IL4R: variants seen among roughly 807,000 people sequenced by gnomAD.
IL4R encodes the protein interleukin 4 receptor, also known as interleukin-4 receptor subunit alpha.
IL4R carries 17 observed loss-of-function variants against 41.5 expected under a neutral mutation model. That is an observed-to-expected ratio of 0.41 (90% CI 0.28 to 0.61). The LOEUF is 0.61. IL4R is among the 20% of genes least tolerant of loss of function. The pLI, the probability that IL4R is intolerant of heterozygous loss-of-function variation, is 0.31. For missense variants in IL4R, 974 were observed against 1,043.1 expected (o/e 0.93, Z 0.91); for synonymous variants, 402 against 422.9 (o/e 0.95, Z 0.61).
chr16:27,359,860 C>T (rs2086219531), intron 9 of IL4R: 1 of 451,458 alleles, frequency 2.2e-6, no homozygotes, highest in Admixed American at 2.4e-5. Flanking sequence ...TAGAGGGTTA[C>T]AACAACTTTA....
chr16:27,346,634 T>C lies in IL4R; in HGVS notation c.513+16T>C, dbSNP rs372045852. ...CCCGGCAGATGTGAGTGGGCATGCTTTGACGTTTTTCTGTGACCTCTGGGG... is the reference window on the plus strand; with the variant it reads ...CCCGGCAGATGTGAGTGGGCATGCTCTGACGTTTTTCTGTGACCTCTGGGG... On this transcript the variant is annotated intron_variant, in intron 6 of 10. Coordinates refer to ENST00000395762, the MANE Select transcript of IL4R (RefSeq NM_000418.4). 4.3e-5 allele frequency: 70 copies of C among 1,613,540 alleles called. No individual in the cohort carries two copies. The highest frequency in any genetic ancestry group is 5.8e-5 in the Non-Finnish European group (68 of 1,179,912).
At chr16:27,336,895 A>G (rs1414146942) in intron 2 of IL4R, among the ~76,000 whole-genome samples, 1 of 151,936 alleles carries the variant, frequency 6.6e-6, no homozygotes, top group East Asian at 1.9e-4. Flanking sequence ...CCTGACCAGC[A>G]TGGAGAAACC....
intron 6 of IL4R, among the ~76,000 whole-genome samples, chr16:27,348,020 G>A (rs2085716061): frequency 6.6e-6 from 1 of 152,218 alleles, no homozygotes; most frequent in Non-Finnish European, 1.5e-5. Flanking sequence ...AGGTTTGTGA[G>A]GGCCGGCTCT....
chr16:27,362,349 T>G lies in IL4R; in HGVS notation c.997T>G (p.Phe333Val). 1 of 1,614,174 alleles carries G rather than the reference T, an allele frequency of 6.2e-7. No homozygotes were observed. The highest frequency in any genetic ancestry group is 8.5e-7 in the Non-Finnish European group (1 of 1,180,026). ...DPHKAAKEMPFQGSGKSAWCP... is the reference protein window; with the variant it reads ...DPHKAAKEMPVQGSGKSAWCP... Reference sequence around the variant, plus strand: ...TCACAAGGCTGCCAAAGAGATGCCTTTCCAGGGCTCTGGAAAATCAGCATG... The same window carrying G: ...TCACAAGGCTGCCAAAGAGATGCCTGTCCAGGGCTCTGGAAAATCAGCATG... Residue 333 changes from phenylalanine (F) to valine (V), a missense_variant, in exon 11 of 11, where the codon TTC becomes GTC. By Grantham distance (50) the Phe-to-Val change is conservative. Transcript: ENST00000395762.
intron 1 of IL4R, among the ~76,000 whole-genome samples, chr16:27,316,543 G>A (rs567901261): frequency 5.3e-5 from 8 of 152,192 alleles, no homozygotes; most frequent in Non-Finnish European, 1.0e-4. Context: ...GACAGAAGCC[G>A]CCTAAGTACT....
chr16:27,315,847 A>G (rs2084631301), intron 1 of IL4R, among the ~76,000 whole-genome samples: 1 of 152,104 alleles, frequency 6.6e-6, no homozygotes, highest in South Asian at 2.1e-4. Context: ...CTGGAGGGAG[A>G]CGCTGGGGAG....
rs752154193 is a variant in IL4R at position 27,342,258 on chromosome 16, G to A, written c.208G>A (p.Glu70Lys). 21 of 1,614,058 alleles carry A rather than the reference G, an allele frequency of 1.3e-5. No homozygotes were observed. Among genetic ancestry groups the A allele is most frequent in the African/African-American group, 8.0e-5 (6 of 74,942 alleles). ...LLYQLVFLLS[E>K]AHTCIPENNG... ...GTACCAGCTGGTTTTTCTGCTCTCCGAGTAAGCCTGCGCTGGAGCTGGAGG... is the reference window on the plus strand; with the variant it reads ...GTACCAGCTGGTTTTTCTGCTCTCCAAGTAAGCCTGCGCTGGAGCTGGAGG... The change falls in exon 4 of 11, where the codon GAA becomes AAA. Residue 70 changes from glutamate (E) to lysine (K), a missense_variant and splice_region_variant. This residue lies in a region of IL4R where 284 missense variants were observed against 313.4 expected (regional missense o/e 0.91). Coordinates refer to ENST00000395762, the MANE Select transcript of IL4R (RefSeq NM_000418.4).
Position 27,362,843 on chromosome 16 carries a change from C to G in IL4R, c.1491C>G (p.Tyr497Ter), listed in dbSNP as rs1415578532. The G allele has an allele frequency of 6.2e-7, 1 of 1,614,158 alleles. No individual in the cohort carries two copies. The highest frequency in any genetic ancestry group is 8.5e-7 in the Non-Finnish European group (1 of 1,180,030). ...TCGTCATCGCAGGCAACCCTGCTTA[C>G]CGCAGCTTCAGCAACTCCCTGAGCC... The part of the protein sequence containing the change: ...TPLVIAGNPA[Y>*]RSFSNSLSQS... Residue 497 changes from tyrosine (Y) to a stop codon, truncating the protein, a stop_gained, in exon 11 of 11, where the codon TAC becomes TAG. Coordinates refer to ENST00000395762, the MANE Select transcript of IL4R (RefSeq NM_000418.4). LOFTEE classifies it low-confidence loss of function (END_TRUNC).
intron 1 of IL4R, among the ~76,000 whole-genome samples, chr16:27,323,866 C>A (rs1176346413): frequency 6.6e-6 from 1 of 152,048 alleles, no homozygotes; most frequent in African/African-American, 2.4e-5. Context: ...GCCATGTTAC[C>A]CAGGCTGGTC....
At position 27,344,914 on chromosome 16, in the gene IL4R, GTGCCACC is replaced by G. The variant is rs1157214731; in HGVS notation, c.259_265del (p.His87SerfsTer33). 6.2e-7 allele frequency: 1 copy of G among 1,614,196 alleles called. No homozygotes were observed. The highest frequency in any genetic ancestry group is 1.1e-5 in the South Asian group (1 of 91,088). ...AGAACAACGGAGGCGCGGGGTGCGT[GTGCCACC>G]TGCTCATGGATGACGTGGTCAGTGC... On this transcript the variant is annotated frameshift_variant, in exon 5 of 11. Transcript: ENST00000395762. LOFTEE classifies it high-confidence loss of function.
chr16:27,347,726 C>T (rs1252532556), intron 6 of IL4R, among the ~76,000 whole-genome samples: 2 of 152,232 alleles, frequency 1.3e-5, no homozygotes, highest in Non-Finnish European at 2.9e-5. Context: ...GACCTGGGGT[C>T]CCACAGGGCT....
chr16:27,317,317 A>G (rs1370906278), intron 1 of IL4R, among the ~76,000 whole-genome samples: 1 of 152,184 alleles, frequency 6.6e-6, no homozygotes, highest in Non-Finnish European at 1.5e-5. Context: ...GCCTTGCCTC[A>G]GGTCCACATC....
chr16:27,337,848 G>A (rs770319451), intron 2 of IL4R, among the ~76,000 whole-genome samples: 2 of 151,638 alleles, frequency 1.3e-5, no homozygotes, highest in Non-Finnish European at 2.9e-5. Flanking sequence ...CACCACGCCC[G>A]GCCCCAGTAC....
At chr16:27,354,598 A>G (rs1596529028) in intron 7 of IL4R, among the ~76,000 whole-genome samples, 3 of 152,240 alleles carry the variant, frequency 2.0e-5, no homozygotes, top group African/African-American at 7.2e-5. Flanking sequence ...GATTGGCTCA[A>G]GCCTTAGGGT....
intron 2 of IL4R, among the ~76,000 whole-genome samples, chr16:27,335,308 C>T (rs533008092): frequency 2.8e-4 from 43 of 152,208 alleles, no homozygotes; most frequent in Admixed American, 1.1e-3. Flanking sequence ...ATATACAATA[C>T]AAGTTTTGCA....
intron 6 of IL4R, among the ~76,000 whole-genome samples, chr16:27,348,084 C>T (rs1466099017): frequency 6.6e-6 from 1 of 152,238 alleles, no homozygotes; most frequent in Non-Finnish European, 1.5e-5. Context: ...AGCAGGCACC[C>T]GCCACCTTAA....
intron 1 of IL4R, among the ~76,000 whole-genome samples, chr16:27,324,634 A>G (rs2084904133): frequency 6.6e-6 from 1 of 152,196 alleles, no homozygotes; most frequent in Non-Finnish European, 1.5e-5. Flanking sequence ...AGAAAGATGG[A>G]GGCCAGGCTG....
At chr16:27,362,202 G>C in intron 10 of IL4R, 50 bp from the exon 11 acceptor site, 1 of 1,578,524 alleles carries the variant, frequency 6.3e-7, no homozygotes. Context: ...GAATGAATAG[G>C]AGTTTTTCAA....
intron 1 of IL4R, among the ~76,000 whole-genome samples, chr16:27,326,732 C>T (rs1228452653): frequency 6.6e-6 from 1 of 152,144 alleles, no homozygotes; most frequent in Non-Finnish European, 1.5e-5. Flanking sequence ...CCACAGCAGG[C>T]CCACAGGGAG....
Sources: gnomAD v4.1 joint callset for allele counts (sites outside exome capture counted in the v4.1 genomes callset) on GRCh38, gnomAD v4.1.1 for gene constraint, gnomAD v4.1.1 regional missense constraint, MANE v1.5 for transcripts, NCBI Gene and HGNC (gene_info 2026-07-23, HGNC 2026-07-21) for gene names.